The following MLLT10 variants were observed in gnomAD, a reference collection of about 807,000 sequenced individuals.
MLLT10 encodes protein AF-10.
In MLLT10, 30 loss-of-function variants were observed where a neutral mutation model predicts 129.1. The ratio of observed to expected loss-of-function variants is 0.23; its 90% CI spans 0.17 to 0.32. MLLT10 has a LOEUF of 0.32. Among genes scored for constraint, MLLT10 ranks in the 10% least tolerant of loss-of-function variants. MLLT10 has a pLI of 1.00. For synonymous variants in MLLT10, 490 were observed against 446.4 expected (o/e 1.10, Z -1.23); for missense variants, 1,119 against 1,268.3 (o/e 0.88, Z 1.79).
At chr10:21,617,266 G>C (rs1205526415) in intron 8 of MLLT10, 59 bp downstream of exon 8, 4 of 896,886 alleles carry the variant, frequency 4.5e-6, no homozygotes, top group African/African-American at 1.7e-5. Context: ...ATTTTTTTTT[G>C]CCTTTTTAGA....
At chr10:21,678,046 C>T (rs556562337) in intron 11 of MLLT10, among the ~76,000 whole-genome samples, 2 of 152,228 alleles carry the variant, frequency 1.3e-5, no homozygotes, top group South Asian at 4.1e-4. Context: ...TGTACTTCCC[C>T]TCTGAGTGTT....
chr10:21,680,908 CT>C (rs1460010947), intron 11 of MLLT10, among the ~76,000 whole-genome samples: 1 of 151,276 alleles, frequency 6.6e-6, no homozygotes, highest in Non-Finnish European at 1.5e-5. Context: ...GTGAGCCGAG[CT>C]TGCGCCACTG....
chr10:21,553,984 A>C (rs2037501298), intron 3 of MLLT10, among the ~76,000 whole-genome samples: 1 of 152,078 alleles, frequency 6.6e-6, no homozygotes, highest in African/African-American at 2.4e-5. Flanking sequence ...TGTATGTGGT[A>C]GTTCTTTCTG....
chr10:21,670,098 G>C (rs2051236957), intron 9 of MLLT10, among the ~76,000 whole-genome samples: 1 of 151,820 alleles, frequency 6.6e-6, no homozygotes, highest in African/African-American at 2.4e-5. Context: ...TGTCTAGGAA[G>C]TGTAGACATT....
In MLLT10 at chr10:21,613,171, C is replaced by T. The variant is rs555229841; in HGVS notation, c.509+720C>T. On this transcript the variant is annotated intron_variant, in intron 6 of 22. Coordinates refer to ENST00000307729, the MANE Select transcript of MLLT10 (RefSeq NM_001195626.3). ...ATTGCGCCATTGAACTCCAGCCTGG[C>T]GACAAACCAAGACTCTGTCTCAAAA... Among the ~76,000 whole-genome samples, 298 of 122,316 alleles carry T rather than the reference C, an allele frequency of 2.4e-3. 3 individuals carry two copies. The highest frequency in any genetic ancestry group is 9.2e-3 in the African/African-American group (283 of 30,794). 80.2% of individuals were successfully genotyped at this position (122,316 alleles called of 152,430 possible).
intron 9 of MLLT10, among the ~76,000 whole-genome samples, chr10:21,661,225 T>C (rs1310603051): frequency 6.6e-6 from 1 of 152,210 alleles, no homozygotes; most frequent in Non-Finnish European, 1.5e-5. Flanking sequence ...ATGTGGTCCA[T>C]CTTGGTTAAT....
At chr10:21,740,563 T>C (rs1407981227) in intron 22 of MLLT10, among the ~76,000 whole-genome samples, 1 of 152,240 alleles carries the variant, frequency 6.6e-6, no homozygotes, top group African/African-American at 2.4e-5. Flanking sequence ...CCAGTCTATA[T>C]ATCTTGGAAA....
At chr10:21,689,549 ATATATATATATATATG>A (rs1169629886) in intron 13 of MLLT10, among the ~76,000 whole-genome samples, 5 of 87,804 alleles carry the variant, frequency 5.7e-5, no homozygotes, top group Admixed American at 2.4e-4. Flanking sequence ...GTAAAGTAAT[ATATATATATATATATG>A]TATATATATA....
intron 3 of MLLT10, among the ~76,000 whole-genome samples, chr10:21,575,414 C>T (rs1399834665): frequency 6.6e-6 from 1 of 152,160 alleles, no homozygotes; most frequent in South Asian, 2.1e-4. Context: ...CCAGGCTGGT[C>T]TTGAACTTGC....
chr10:21,697,120 AAAG>A (rs2054448838), intron 13 of MLLT10, among the ~76,000 whole-genome samples: 2 of 151,244 alleles, frequency 1.3e-5, no homozygotes, highest in Non-Finnish European at 2.9e-5. Flanking sequence ...AAAAAAAAAA[AAAG>A]AGGGAGAATT....
chr10:21,543,321 A>G (rs990112581), intron 3 of MLLT10, among the ~76,000 whole-genome samples: 3 of 151,768 alleles, frequency 2.0e-5, no homozygotes, highest in Non-Finnish European at 2.9e-5. Context: ...GGGCTTCTCC[A>G]TTTTGGCCAG....
intron 3 of MLLT10, among the ~76,000 whole-genome samples, chr10:21,547,262 A>G (rs542488345): frequency 5.9e-5 from 9 of 152,266 alleles, no homozygotes; most frequent in African/African-American, 2.2e-4. Context: ...AAGTTTTAAC[A>G]TGCATACTTA....
At chr10:21,670,301 A>T in intron 9 of MLLT10, 148 bp from the exon 10 acceptor site, 4 of 628,292 alleles carry the variant, frequency 6.4e-6, no homozygotes, top group Non-Finnish European at 5.0e-6. Context: ...TTGTTTTTGG[A>T]TGATTTTCTT....
chr10:21,732,064 G>A (rs2058013543), intron 17 of MLLT10, among the ~76,000 whole-genome samples: 1 of 152,146 alleles, frequency 6.6e-6, no homozygotes, highest in Non-Finnish European at 1.5e-5. Flanking sequence ...GTTTCTTTGT[G>A]GGATCTTGGA....
At chr10:21,656,947 A>T (rs1185432800) in intron 9 of MLLT10, among the ~76,000 whole-genome samples, 3 of 152,230 alleles carry the variant, frequency 2.0e-5, no homozygotes, top group Non-Finnish European at 4.4e-5. Context: ...AACTTGATGT[A>T]CGGAGTCCTT....
intron 10 of MLLT10, among the ~76,000 whole-genome samples, chr10:21,672,462 C>T (rs2051555060): frequency 6.6e-6 from 1 of 152,042 alleles, no homozygotes. Context: ...CACGTCACCA[C>T]CCCCGGCTAA....
At chr10:21,728,754 G>C (rs916847191) in intron 16 of MLLT10, among the ~76,000 whole-genome samples, 1 of 152,072 alleles carries the variant, frequency 6.6e-6, no homozygotes, top group African/African-American at 2.4e-5. Flanking sequence ...TTGGTCAGGC[G>C]TGGTGGCTCA....
chr10:21,544,772 A>C (rs2035804001), intron 3 of MLLT10, among the ~76,000 whole-genome samples: 1 of 152,212 alleles, frequency 6.6e-6, no homozygotes, highest in South Asian at 2.1e-4. Flanking sequence ...ATATTAGAGC[A>C]GTTGTAGTAG....
intron 2 of MLLT10, among the ~76,000 whole-genome samples, chr10:21,537,116 C>T (rs1177300232): frequency 2.6e-5 from 4 of 152,118 alleles, no homozygotes; most frequent in African/African-American, 9.7e-5. Context: ...CTCAAGGGAT[C>T]TGCCCGCCTT....
Sources: gnomAD v4.1 joint callset for allele counts (sites outside exome capture counted in the v4.1 genomes callset) on GRCh38, gnomAD v4.1.1 for gene constraint, MANE v1.5 for transcripts, NCBI Gene and HGNC (gene_info 2026-07-23, HGNC 2026-07-21) for gene names.